Variants in ATXN2 observed in about 807,000 individuals in gnomAD.
ATXN2 encodes ataxin 2, also known as ataxin-2.
ATXN2 carries 37 observed loss-of-function variants against 138.6 expected under a neutral mutation model. The observed-to-expected ratio is 0.27, with a 90% CI of 0.21 to 0.35. The LOEUF is 0.35. Among genes scored for constraint, ATXN2 ranks in the 10% least tolerant of loss-of-function variants. The probability of loss-of-function intolerance (pLI) is 1.00; values close to 1 mark genes in which losing one functional copy is unlikely to be tolerated. For synonymous variants in ATXN2, 549 were observed against 543.7 expected, an observed-to-expected ratio of 1.01 and a Z score of -0.13; for missense variants, 1,216 against 1,480.3, an observed-to-expected ratio of 0.82 and a Z score of 2.93.
chr12:111,454,467 G>GT (rs1285638388), intron 23 of ATXN2: 2 of 154,014 alleles, frequency 1.3e-5, no homozygotes, highest in Admixed American at 6.5e-5. Flanking sequence ...AGGAGTTGGA[G>GT]TTTTTAATGG....
Position 111,520,887 on chromosome 12 carries a change from C to T in ATXN2, c.783G>A (p.Ser261=), listed in dbSNP as rs547468537. ...VVSTYDSSLS[S]YTVPLERDNS... ...AACAAACTTTTCAAACTTACGTATA[C>T]GAAGATAAACTGCTATCATACGTAG... The change falls in exon 7 of 25, where the codon TCG becomes TCA. Residue 261 remains serine (S), a synonymous_variant. Coordinates refer to ENST00000673436, the MANE Select transcript of ATXN2 (RefSeq NM_001372574.1). The T allele has an allele frequency of 5.2e-6, 8 of 1,552,574 alleles. No homozygotes were observed. The highest frequency in any genetic ancestry group is 1.7e-4 in the Middle Eastern group (1 of 5,950).
At position 111,593,377 on chromosome 12, in the gene ATXN2, G is replaced by A. The variant is rs555192707; in HGVS notation, c.251+5407C>T. On this transcript the variant is annotated intron_variant, in intron 1 of 24. Transcript: ENST00000673436. Reference sequence around the variant, plus strand: ...CCTAAAGTGCTGGGATTACAGGTATGAGCCACCGCGCCTGGCCTTGAGATC... The same window carrying A: ...CCTAAAGTGCTGGGATTACAGGTATAAGCCACCGCGCCTGGCCTTGAGATC... Among the ~76,000 whole-genome samples the A allele has an allele frequency of 1.3e-3, 192 of 152,154 alleles. 1 individual carries two copies. The highest frequency in any genetic ancestry group is 7.3e-3 in the Admixed American group (112 of 15,240).
chr12:111,486,899 TA>T, intron 15 of ATXN2, 75 bp from the exon 16 acceptor site: 24 of 1,237,734 alleles, frequency 1.9e-5, no homozygotes, highest in Non-Finnish European at 2.1e-5. Context: ...CCTGACAATT[TA>T]AAAAAAATTG....
rs998374936 is a variant in ATXN2 at position 111,535,948 on chromosome 12, C to A, written c.572-10632G>T. Among the ~76,000 whole-genome samples, 11 of 145,840 alleles carry A rather than the reference C, an allele frequency of 7.5e-5. No homozygotes were observed. The South Asian group carries it at 2.4e-3, about 32-fold the overall frequency. ...CCAGGAGGCGGAGCTTGCAGTGAGCCGAGATCCCGCCACTGCACTCCAGCC... is the reference window on the plus strand; with the variant it reads ...CCAGGAGGCGGAGCTTGCAGTGAGCAGAGATCCCGCCACTGCACTCCAGCC... On this transcript the variant is annotated intron_variant, in intron 5 of 24. Coordinates refer to ENST00000673436, the MANE Select transcript of ATXN2 (RefSeq NM_001372574.1).
At chr12:111,520,784 T>C in intron 7 of ATXN2, 98 bp downstream of exon 7, 1 of 667,370 alleles carries the variant, frequency 1.5e-6, no homozygotes, top group Non-Finnish European at 2.4e-6. Flanking sequence ...CATGTAATTG[T>C]TTAACTTAAA....
chr12:111,521,338 T>C (rs1336855159), intron 6 of ATXN2, among the ~76,000 whole-genome samples: 4 of 152,192 alleles, frequency 2.6e-5, no homozygotes, highest in Admixed American at 2.6e-4. Flanking sequence ...GGTCCTCAGG[T>C]CTGTGGAGGA....
chr12:111,590,370 G>A (rs1170208175), intron 1 of ATXN2, among the ~76,000 whole-genome samples: 2 of 152,064 alleles, frequency 1.3e-5, no homozygotes, highest in Non-Finnish European at 2.9e-5. Flanking sequence ...GGCAAGTACT[G>A]TCCGTGACTG....
intron 14 of ATXN2, among the ~76,000 whole-genome samples, chr12:111,498,421 A>T (rs922734349): frequency 6.6e-6 from 1 of 152,214 alleles, no homozygotes. Context: ...GCATTTTTAT[A>T]TTTAACAGCA....
chr12:111,532,523 TC>T (rs1469176141), intron 5 of ATXN2, among the ~76,000 whole-genome samples: 6 of 152,094 alleles, frequency 3.9e-5, no homozygotes, highest in African/African-American at 7.2e-5. Flanking sequence ...ACCCATAACA[TC>T]AAGCGATATG....
At chr12:111,478,522 G>A (rs983903674) in intron 18 of ATXN2, among the ~76,000 whole-genome samples, 2 of 152,084 alleles carry the variant, frequency 1.3e-5, no homozygotes, top group African/African-American at 4.8e-5. Flanking sequence ...CATCATCAGA[G>A]AAATGTACAT....
chr12:111,548,522 G>A (rs1881954721), intron 5 of ATXN2, among the ~76,000 whole-genome samples: 1 of 152,156 alleles, frequency 6.6e-6, no homozygotes, highest in African/African-American at 2.4e-5. Context: ...TATTACAGAA[G>A]AGAATTATAA....
Position 111,599,068 on chromosome 12 carries a change from G to T in ATXN2, c.-34C>A, listed in dbSNP as rs1885120717. 7.0e-7 allele frequency: 1 copy of T among 1,432,000 alleles called. No individual in the cohort carries two copies. The highest frequency in any genetic ancestry group is 3.1e-5 in the East Asian group (1 of 32,518). 88.7% of individuals were successfully genotyped at this position (1,432,000 alleles called of 1,614,324 possible). ...GCCCATACACCGGCTCGCACGCCGG[G>T]CGGGGACAGCCGGGAGCCGGGCGCG... On this transcript the variant is annotated 5_prime_UTR_variant, in exon 1 of 25. Transcript: ENST00000673436.
At chr12:111,465,123 T>C (rs1379990227) in intron 20 of ATXN2, among the ~76,000 whole-genome samples, 3 of 152,196 alleles carry the variant, frequency 2.0e-5, no homozygotes, top group Non-Finnish European at 4.4e-5. Context: ...TATCTAGTAA[T>C]GGATCCAAAA....
chr12:111,470,235 A>G lies in ATXN2; in HGVS notation c.2715T>C (p.Pro905=). 6.2e-7 allele frequency: 1 copy of G among 1,613,212 alleles called. No individual in the cohort carries two copies. Among genetic ancestry groups the G allele is most frequent in the Non-Finnish European group, 8.5e-7 (1 of 1,179,642 alleles). ...QHVPHYQSQH[P]HVYSPVIQGN... ...CCTGTATTACAGGACTATAGACATG[A>G]GGATGCTGTGTTCAAACAAAAAATA... is the stretch of plus-strand genomic sequence containing the variant. Residue 905 remains proline, a synonymous_variant, in exon 20 of 25, where the codon CCT becomes CCC. Transcript: ENST00000673436.
chr12:111,457,700 CT>C, intron 21 of ATXN2: 1 of 205,404 alleles, frequency 4.9e-6, no homozygotes, highest in South Asian at 8.6e-5. Flanking sequence ...GGTGCACACT[CT>C]TTAGCTCAAG....
intron 11 of ATXN2, 41 bp downstream of exon 11, chr12:111,513,316 T>C (rs1238992480): frequency 3.1e-6 from 5 of 1,597,554 alleles, no homozygotes; most frequent in African/African-American, 1.3e-5. Flanking sequence ...TCTAGTGTAA[T>C]GACAAAATGA....
chr12:111,471,811 T>C (rs570224967), intron 18 of ATXN2: 28 of 152,152 alleles, frequency 1.8e-4, no homozygotes, highest in Admixed American at 1.4e-3. Flanking sequence ...AAATGAAAGT[T>C]TGCCCGATTA....
At chr12:111,526,279 C>G (rs1032695416) in intron 5 of ATXN2, among the ~76,000 whole-genome samples, 6 of 151,590 alleles carry the variant, frequency 4.0e-5, no homozygotes, top group Admixed American at 3.3e-4. Flanking sequence ...TCGTTTGAAC[C>G]CGGGAGGTGG....
chr12:111,520,018 G>T lies in ATXN2; in HGVS notation c.847C>A (p.Gln283Lys), dbSNP rs1880068222. The change falls in exon 8 of 25, where the codon CAG becomes AAG. Residue 283 changes from glutamine (Q) to lysine (K), a missense_variant. Gln to Lys is a moderately conservative substitution (Grantham distance 53). Around this residue, in one of 4 missense-constraint regions of ATXN2, gnomAD observed 401 missense variants for 528.1 expected, o/e 0.76. Coordinates refer to ENST00000673436, the MANE Select transcript of ATXN2 (RefSeq NM_001372574.1). ...CTTGACTCAATTTCTTCTGCTAACT[G>T]GTTTGCCCTTGCTTCCCGTTTTAAA... The part of the protein sequence containing the change: ...EFLKREARAN[Q>K]LAEEIESSAQ... 1 of 1,613,928 alleles carries T rather than the reference G, an allele frequency of 6.2e-7. No individual in the cohort carries two copies. Among genetic ancestry groups the T allele is most frequent in the Admixed American group, 1.7e-5 (1 of 59,996 alleles).
Sources: allele counts gnomAD v4.1 joint callset (sites outside exome capture counted in the v4.1 genomes callset), GRCh38; gene constraint gnomAD v4.1.1; regional missense constraint gnomAD v4.1.1; transcripts MANE v1.5; gene names NCBI Gene and HGNC (gene_info 2026-07-23, HGNC 2026-07-21).